ATL1: variants seen among roughly 807,000 people sequenced by gnomAD.
The protein encoded by ATL1 is atlastin-1.
A neutral mutation model predicts 75.5 loss-of-function variants in ATL1; 31 were observed. The ratio of observed to expected loss-of-function variants is 0.41; its 90% CI spans 0.31 to 0.55. The LOEUF (loss-of-function observed/expected upper bound fraction) is 0.55, where lower values mean the gene tolerates loss of function less well. Ranked by LOEUF, ATL1 falls within the 20% of genes least tolerant of loss-of-function variation. ATL1 has a pLI of 0.27. For missense variants in ATL1, 405 were observed against 662.6 expected, an observed-to-expected ratio of 0.61 and a Z score of 4.27; for synonymous variants, 226 against 233.3, an observed-to-expected ratio of 0.97 and a Z score of 0.28.
upstream of ATL1, among the ~76,000 whole-genome samples, chr14:50,555,343 G>A (rs1018065956): frequency 3.9e-5 from 6 of 152,156 alleles, no homozygotes; most frequent in African/African-American, 1.2e-4. Flanking sequence ...GTGCAGTGGC[G>A]TGATCTTGGC....
At chr14:50,547,886 C>T (rs1038680138) in intron 1 of ATL1, among the ~76,000 whole-genome samples, 2 of 152,194 alleles carry the variant, frequency 1.3e-5, no homozygotes, top group African/African-American at 4.8e-5. Context: ...CCAGGTACTA[C>T]CAAAAGGATA....
chr14:50,598,684 C>T (rs1324095328), intron 6 of ATL1, among the ~76,000 whole-genome samples: 2 of 151,996 alleles, frequency 1.3e-5, no homozygotes, highest in African/African-American at 2.4e-5. Flanking sequence ...TTTAAGAAGA[C>T]GATCTGAATT....
Position 50,562,050 on chromosome 14 carries a change from C to CT in ATL1, c.34+1763dup, listed in dbSNP as rs113887466. On this transcript the variant is annotated intron_variant, in intron 1 of 13. Coordinates refer to ENST00000358385, the MANE Select transcript of ATL1 (RefSeq NM_015915.5). ...GCGCAGAATTTCCTTTGGCTATAAA[C>CT]TTTTTTTTTTTTGAGATGGAGTCTT... Among the ~76,000 whole-genome samples, 166 of 146,580 alleles carry CT rather than the reference C, an allele frequency of 1.1e-3. 1 individual carries two copies. Among genetic ancestry groups the CT allele is most frequent in the Admixed American group, 1.4e-3 (21 of 14,658 alleles).
At chr14:50,598,905 G>A (rs2039246331) in intron 6 of ATL1, among the ~76,000 whole-genome samples, 1 of 141,764 alleles carries the variant, frequency 7.1e-6, no homozygotes, top group Non-Finnish European at 1.6e-5. Context: ...TTTGAAGAAA[G>A]AGCTGGATTT....
chr14:50,540,538 G>T (rs948763431), intron 1 of ATL1, among the ~76,000 whole-genome samples: 1 of 152,142 alleles, frequency 6.6e-6, no homozygotes, highest in African/African-American at 2.4e-5. Context: ...TTTTACCAGG[G>T]TGATTGTGAG....
intron 1 of ATL1, among the ~76,000 whole-genome samples, chr14:50,546,293 C>A (rs2038630732): frequency 1.3e-5 from 2 of 152,048 alleles, no homozygotes; most frequent in South Asian, 4.1e-4. Flanking sequence ...TGATATGGAT[C>A]CAGTTATCCT....
chr14:50,566,021 A>G lies in ATL1; in HGVS notation c.34+5722A>G, dbSNP rs1056511779. On this transcript the variant is annotated intron_variant, in intron 1 of 13. Transcript: ENST00000358385. ...TTTTCTTTTGTTTTGTTTTTGAGAC[A>G]GAGTCTCTCTCTGTCACCCAGGCTG... is the stretch of plus-strand genomic sequence containing the variant. Among the ~76,000 whole-genome samples the G allele has an allele frequency of 2.6e-4, 39 of 152,064 alleles. 1 individual carries two copies. Among genetic ancestry groups the G allele is most frequent in the Non-Finnish European group, 1.0e-4 (7 of 68,014 alleles).
chr14:50,621,133 C>T (rs2039463414), intron 9 of ATL1, among the ~76,000 whole-genome samples: 3 of 152,184 alleles, frequency 2.0e-5, no homozygotes, highest in Non-Finnish European at 4.4e-5. Flanking sequence ...ATTTCTTACT[C>T]TCTGCACCAA....
At chr14:50,617,288 T>C (rs973835038) in intron 8 of ATL1, among the ~76,000 whole-genome samples, 1 of 152,236 alleles carries the variant, frequency 6.6e-6, no homozygotes, top group Admixed American at 6.5e-5. Context: ...CATTTATGCT[T>C]CATTCAACCA....
intron 1 of ATL1, among the ~76,000 whole-genome samples, chr14:50,538,179 G>C (rs944710257): frequency 2.6e-5 from 4 of 152,114 alleles, no homozygotes; most frequent in Non-Finnish European, 5.9e-5. Context: ...AGATCTGATG[G>C]TTTTAAAAAG....
At chr14:50,563,850 T>C (rs1023800994) in intron 1 of ATL1, among the ~76,000 whole-genome samples, 2 of 152,190 alleles carry the variant, frequency 1.3e-5, no homozygotes, top group Non-Finnish European at 2.9e-5. Flanking sequence ...CATATAAAAG[T>C]CAATTCTTCC....
intron 1 of ATL1, among the ~76,000 whole-genome samples, chr14:50,584,909 A>G (rs1462671608): frequency 6.6e-6 from 1 of 152,100 alleles, no homozygotes; most frequent in Non-Finnish European, 1.5e-5. Context: ...TGAAAAGGCA[A>G]ACTCTTAGAA....
upstream of ATL1, among the ~76,000 whole-genome samples, chr14:50,556,153 AC>A (rs1227554167): frequency 2.6e-5 from 4 of 152,338 alleles, no homozygotes; most frequent in Non-Finnish European, 4.4e-5. Flanking sequence ...CTTTTTAAAA[AC>A]ATTTGTATTT....
chr14:50,558,456 A>G (rs1324338244), upstream of ATL1, among the ~76,000 whole-genome samples: 1 of 152,268 alleles, frequency 6.6e-6, no homozygotes, highest in African/African-American at 2.4e-5. Context: ...TGCTAAAATC[A>G]GTGGATGAAA....
At chr14:50,618,745 T>C (rs1399593259) in intron 8 of ATL1, among the ~76,000 whole-genome samples, 2 of 152,138 alleles carry the variant, frequency 1.3e-5, no homozygotes, top group African/African-American at 2.4e-5. Context: ...CTGCTAAAAT[T>C]TAGATTTTTA....
At chr14:50,603,479 A>G (rs1040259990) in intron 6 of ATL1, among the ~76,000 whole-genome samples, 16 of 152,196 alleles carry the variant, frequency 1.1e-4, no homozygotes, top group African/African-American at 3.9e-4. Flanking sequence ...CTGAAAAATA[A>G]TAGAAGGGGA....
intron 1 of ATL1, among the ~76,000 whole-genome samples, chr14:50,554,732 G>A (rs2038744349): frequency 6.6e-6 from 1 of 152,214 alleles, no homozygotes; most frequent in African/African-American, 2.4e-5. Context: ...GAGATGGGAG[G>A]TGGCATGGAT....
At chr14:50,572,079 AATTT>A (rs2038959846) in intron 1 of ATL1, 1 of 535,378 alleles carries the variant, frequency 1.9e-6, no homozygotes, top group Non-Finnish European at 3.6e-6. Flanking sequence ...GCCACCATTT[AATTT>A]CAGTTATAAC....
intron 1 of ATL1, among the ~76,000 whole-genome samples, chr14:50,561,593 C>A (rs1464698044): frequency 6.6e-6 from 1 of 152,032 alleles, no homozygotes; most frequent in African/African-American, 2.4e-5. Flanking sequence ...TATCTCCTTG[C>A]CTCTGATTGT....
Sources: gnomAD v4.1 joint callset for allele counts (sites outside exome capture counted in the v4.1 genomes callset) on GRCh38, gnomAD v4.1.1 for gene constraint, MANE v1.5 for transcripts, NCBI Gene and HGNC (gene_info 2026-07-23, HGNC 2026-07-21) for gene names.